PKNOX2: variants seen among roughly 807,000 people sequenced by gnomAD.
The protein encoded by PKNOX2 is homeobox protein PKNOX2.
PKNOX2 carries 14 observed loss-of-function variants against 53.1 expected under a neutral mutation model. The ratio of observed to expected loss-of-function variants is 0.26; its 90% CI spans 0.17 to 0.41. The LOEUF (loss-of-function observed/expected upper bound fraction) is 0.41. Among genes scored for constraint, PKNOX2 ranks in the 10% least tolerant of loss-of-function variants. The pLI is 1.00. For synonymous variants in PKNOX2, 257 were observed against 242.8 expected (o/e 1.06, Z -0.54); for missense variants, 496 against 602.8 (o/e 0.82, Z 1.85).
intron 2 of PKNOX2, among the ~76,000 whole-genome samples, chr11:125,328,897 A>G (rs955317102): frequency 2.6e-5 from 4 of 152,224 alleles, no homozygotes; most frequent in Non-Finnish European, 4.4e-5. Flanking sequence ...GGCATCTCTC[A>G]TACGCTGCTG....
intron 2 of PKNOX2, among the ~76,000 whole-genome samples, chr11:125,304,038 T>A (rs1948253392): frequency 6.6e-6 from 1 of 152,182 alleles, no homozygotes; most frequent in African/African-American, 2.4e-5. Context: ...GTTGTTGGGA[T>A]CTGGATGTCA....
intron 5 of PKNOX2, among the ~76,000 whole-genome samples, chr11:125,381,407 C>A (rs1402411771): frequency 6.6e-6 from 1 of 152,132 alleles, no homozygotes; most frequent in African/African-American, 2.4e-5. Flanking sequence ...AGGCCAGTAC[C>A]TGTAAAGTCT....
intron 1 of PKNOX2, among the ~76,000 whole-genome samples, chr11:125,185,576 T>G (rs1956402999): frequency 6.6e-6 from 1 of 152,236 alleles, no homozygotes; most frequent in African/African-American, 2.4e-5. Context: ...GACTATATTA[T>G]ATATGCTTCA....
intron 1 of PKNOX2, among the ~76,000 whole-genome samples, chr11:125,197,035 C>T (rs1377652179): frequency 6.6e-6 from 1 of 152,226 alleles, no homozygotes; most frequent in Non-Finnish European, 1.5e-5. Flanking sequence ...ATCAGAAAGT[C>T]AGCTCCTCAG....
chr11:125,407,260 A>G (rs894826310), intron 7 of PKNOX2, among the ~76,000 whole-genome samples: 1 of 152,222 alleles, frequency 6.6e-6, no homozygotes, highest in Non-Finnish European at 1.5e-5. Flanking sequence ...ATTGGCATGG[A>G]GGGTATCCAA....
chr11:125,322,597 A>T (rs1442660114), intron 2 of PKNOX2, among the ~76,000 whole-genome samples: 1 of 152,184 alleles, frequency 6.6e-6, no homozygotes, highest in East Asian at 1.9e-4. Flanking sequence ...CCTGGGCAGC[A>T]TCACGCCCAG....
chr11:125,318,499 G>C (rs1949339370), intron 2 of PKNOX2, among the ~76,000 whole-genome samples: 1 of 152,088 alleles, frequency 6.6e-6, no homozygotes, highest in African/African-American at 2.4e-5. Flanking sequence ...CTCTGGATTA[G>C]GCTTTGGCTT....
intron 5 of PKNOX2, among the ~76,000 whole-genome samples, chr11:125,384,298 A>G (rs2135370348): frequency 6.6e-6 from 1 of 152,354 alleles, no homozygotes; most frequent in East Asian, 1.9e-4. Flanking sequence ...ACAATAAAAC[A>G]AACAACTCAG....
chr11:125,307,537 A>G (rs1362815455), intron 2 of PKNOX2, among the ~76,000 whole-genome samples: 1 of 152,228 alleles, frequency 6.6e-6, no homozygotes, highest in Admixed American at 6.5e-5. Context: ...CAGCCTGTGC[A>G]AAAAGAGTGA....
chr11:125,290,110 C>T (rs1240254731), intron 2 of PKNOX2, among the ~76,000 whole-genome samples: 1 of 152,182 alleles, frequency 6.6e-6, no homozygotes. Flanking sequence ...GTGAATGAAT[C>T]CCTAAAGGGG....
intron 5 of PKNOX2, among the ~76,000 whole-genome samples, chr11:125,369,466 C>T (rs552795296): frequency 6.6e-6 from 1 of 152,356 alleles, no homozygotes; most frequent in Admixed American, 6.5e-5. Context: ...TGAATCCTTA[C>T]TATTCCTATG....
At chr11:125,396,025 C>T (rs1397435005) in intron 6 of PKNOX2, among the ~76,000 whole-genome samples, 3 of 150,916 alleles carry the variant, frequency 2.0e-5, no homozygotes, top group African/African-American at 7.3e-5. Flanking sequence ...TCCATCTCGG[C>T]TCACTGTAAC....
At chr11:125,335,780 T>C (rs1434570790) in intron 3 of PKNOX2, among the ~76,000 whole-genome samples, 1 of 152,152 alleles carries the variant, frequency 6.6e-6, no homozygotes, top group Non-Finnish European at 1.5e-5. Flanking sequence ...ATTGCTCCAC[T>C]GTACTCCAGC....
intron 4 of PKNOX2, among the ~76,000 whole-genome samples, chr11:125,364,063 T>G (rs1303023359): frequency 6.6e-6 from 1 of 152,212 alleles, no homozygotes; most frequent in Non-Finnish European, 1.5e-5. Context: ...GGTCCACACC[T>G]GAGCCTACTC....
rs142226129 is a variant in PKNOX2, at chr11:125,240,736, A to G, written c.-130+5621A>G. 3.9e-3 allele frequency among the ~76,000 whole-genome samples: 598 copies of G among 152,174 alleles called. 3 individuals carry two copies. The highest frequency in any genetic ancestry group is 0.014 in the African/African-American group (562 of 41,528). On this transcript the variant is annotated intron_variant, in intron 2 of 12. Coordinates refer to ENST00000298282, the MANE Select transcript of PKNOX2 (RefSeq NM_001382323.2). This position sits in a 1 kb window ranked among gnomAD's most constrained non-coding sequence, Gnocchi z 4.3. ...GAGGGAGAACCGGGAGGCTTATAAGAAGGTTCTGAAGGGTTTCCAAGTGCT... is the reference window on the plus strand; with the variant it reads ...GAGGGAGAACCGGGAGGCTTATAAGGAGGTTCTGAAGGGTTTCCAAGTGCT...
At chr11:125,342,611 G>C (rs1159826957) in intron 3 of PKNOX2, among the ~76,000 whole-genome samples, 1 of 152,212 alleles carries the variant, frequency 6.6e-6, no homozygotes, top group Non-Finnish European at 1.5e-5. Flanking sequence ...GGCCTGTGTT[G>C]TTTTCTCAGC....
At chr11:125,332,521 C>T (rs1950201509) in intron 3 of PKNOX2, 1 of 151,882 alleles carries the variant, frequency 6.6e-6, no homozygotes, top group Non-Finnish European at 1.5e-5. Flanking sequence ...TTTTTAAATC[C>T]CCTTAAGTAA....
At chr11:125,408,350 G>T (rs1251114971) in intron 7 of PKNOX2, among the ~76,000 whole-genome samples, 1 of 152,238 alleles carries the variant, frequency 6.6e-6, no homozygotes, top group Non-Finnish European at 1.5e-5. Flanking sequence ...CGGGCTAGGC[G>T]GCTCCCACGG....
At chr11:125,372,717 G>C (rs1448008558) in intron 5 of PKNOX2, among the ~76,000 whole-genome samples, 4 of 152,162 alleles carry the variant, frequency 2.6e-5, no homozygotes, top group Non-Finnish European at 4.4e-5. Flanking sequence ...CTTCCTCGCA[G>C]CTCCAGAAAC....
Sources: allele counts gnomAD v4.1 joint callset (sites outside exome capture counted in the v4.1 genomes callset), GRCh38; gene constraint gnomAD v4.1.1; non-coding constraint Gnocchi (gnomAD v3.1); transcripts MANE v1.5; gene names NCBI Gene and HGNC (gene_info 2026-07-23, HGNC 2026-07-21).